The following MUC17 variants were observed in gnomAD, a reference collection of about 807,000 sequenced individuals.
MUC17 encodes the protein mucin 17, cell surface associated.
A neutral mutation model predicts 170.3 loss-of-function variants in MUC17; 190 were observed. The ratio of observed to expected loss-of-function variants is 1.12; its 90% confidence interval spans 0.99 to 1.26. MUC17 has a LOEUF of 1.26. Among genes scored for constraint, MUC17 ranks in the 50% most tolerant of loss-of-function variants. The pLI is 0.00. For synonymous variants in MUC17, 2,325 were observed against 2,002.5 expected (o/e 1.16, Z -4.30); for missense variants, 6,415 against 5,530.0 (o/e 1.16, Z -5.08).
In MUC17 at chr7:101,036,813, A is replaced by G; in HGVS notation, c.5397A>G (p.Pro1799=). ...CAACTGCTGAAGGTACCAGCATACC[A>G]ACCTCGACTCTTAGTGAAGGAATGA... The part of the protein sequence containing the change: ...SPTTAEGTSI[P]TSTLSEGMTP... The change falls in exon 3 of 13, where the codon CCA becomes CCG. Residue 1799 remains proline (P), a synonymous_variant. Transcript: ENST00000306151. 2 of 1,605,630 alleles carry G rather than the reference A, an allele frequency of 1.2e-6. No individual in the cohort carries two copies. The highest frequency in any genetic ancestry group is 1.7e-6 in the Non-Finnish European group (2 of 1,175,656).
At position 101,035,366 on chromosome 7, in the gene MUC17, C is replaced by A; in HGVS notation, c.3950C>A (p.Ser1317Ter). 1.2e-6 allele frequency: 2 copies of A among 1,611,052 alleles called. No homozygotes were observed. Among genetic ancestry groups the A allele is most frequent in the South Asian group, 1.1e-5 (1 of 90,764 alleles). The change falls in exon 3 of 13, where the codon TCA (serine) becomes TAA (stop). Residue 1317 changes from serine to a stop codon, truncating the protein, a stop_gained. Coordinates refer to ENST00000306151, the MANE Select transcript of MUC17 (RefSeq NM_001040105.2). LOFTEE classifies it high-confidence loss of function. Reference protein sequence around the residue: ...GPVVTSNEVSSSPTPAEGTSM... With the variant: ...GPVVTSNEVS ...GTGGTCACTTCTAATGAAGTCAGTT[C>A]ATCTCCTACACCTGCTGAAGGTACC...
intron 1 of MUC17, among the ~76,000 whole-genome samples, chr7:101,030,858 C>A (rs567734461): frequency 8.5e-5 from 13 of 152,220 alleles, no homozygotes; most frequent in Non-Finnish European, 1.5e-4. Context: ...CCCCCAGCCT[C>A]CAAAGTGCTG....
chr7:101,025,553 A>G (rs1338347918), intron 1 of MUC17, among the ~76,000 whole-genome samples: 1 of 152,120 alleles, frequency 6.6e-6, no homozygotes, highest in Non-Finnish European at 1.5e-5. Context: ...GCACTTTGGG[A>G]GGCCAAGGCG....
In MUC17 at chr7:101,029,895, G is replaced by A. The variant is rs570171833; in HGVS notation, c.83-1225G>A. On this transcript the variant is annotated intron_variant, in intron 1 of 12. Transcript: ENST00000306151. ...ATTACAGGCGTGAACCACCGTGCCC[G>A]ACCTCTTTTAGGTTTTTTTTTAGTA... Among the ~76,000 whole-genome samples the A allele has an allele frequency of 5.3e-3, 805 of 152,118 alleles. 5 individuals are homozygous for A. The highest frequency in any genetic ancestry group is 0.017 in the African/African-American group (725 of 41,476).
intron 1 of MUC17, among the ~76,000 whole-genome samples, chr7:101,029,513 T>G (rs1440368448): frequency 6.6e-6 from 1 of 152,230 alleles, no homozygotes; most frequent in Non-Finnish European, 1.5e-5. Flanking sequence ...CTGTTCATAC[T>G]CAGTAATGAT....
intron 1 of MUC17, among the ~76,000 whole-genome samples, chr7:101,023,893 GTT>G (rs749020800): frequency 6.9e-6 from 1 of 145,724 alleles, no homozygotes; most frequent in East Asian, 2.0e-4. Context: ...TCTATTTGCA[GTT>G]TTTTTTTTTG....
chr7:101,029,311 G>A (rs537588823), intron 1 of MUC17, among the ~76,000 whole-genome samples: 9 of 151,202 alleles, frequency 6.0e-5, no homozygotes, highest in Non-Finnish European at 1.0e-4. Context: ...AGCAGAGATC[G>A]CGCCACTGCA....
chr7:101,037,544 C>G lies in MUC17; in HGVS notation c.6128C>G (p.Thr2043Ser). Residue 2043 changes from threonine (T) to serine (S), a missense_variant, in exon 3 of 13, where the codon ACC (threonine) becomes AGC (serine). Thr to Ser is a moderately conservative substitution (Grantham distance 58). Transcript: ENST00000306151. The part of the protein sequence containing the change: ...SIQTSTPSER[T>S]TPLAGMPVST... ...CAAACCTCAACTCCTAGTGAACGGA[C>G]CACTCCATTAGCAGGTATGCCTGTC... 1.9e-6 allele frequency: 3 copies of G among 1,613,616 alleles called. No homozygotes were observed. The highest frequency in any genetic ancestry group is 2.5e-6 in the Non-Finnish European group (3 of 1,179,828).
rs375029857 is a variant in MUC17, at chr7:101,041,793, A to T, written c.10377A>T (p.Pro3459=). Residue 3459 remains proline (P), a synonymous_variant, in exon 3 of 13, where the codon CCA becomes CCT. Transcript: ENST00000306151. ...CAACTACTAGTGAAGGAAGCACTCC[A>T]TTATCAATTATGCCTCTCAGTACCA... ...PTSTTSEGST[P]LSIMPLSTTP... The T allele has an allele frequency of 3.7e-5, 59 of 1,613,570 alleles. 1 individual carries two copies. The highest frequency in any genetic ancestry group is 4.4e-5 in the Non-Finnish European group (52 of 1,179,920).
rs978351770 is a variant in MUC17 at position 101,038,907 on chromosome 7, T to G, written c.7491T>G (p.Pro2497=). The G allele has an allele frequency of 1.9e-6, 3 of 1,614,030 alleles. No individual in the cohort carries two copies. The highest frequency in any genetic ancestry group is 2.5e-6 in the Non-Finnish European group (3 of 1,180,000). The change falls in exon 3 of 13, where the codon CCT becomes CCG. Residue 2497 remains proline, a synonymous_variant. Transcript: ENST00000306151. ...CTTCTACTGAAGCCAGTTCATCTCC[T>G]ACAACTGCTGAAGATATCGTCGTGC... ...MTTSTEASSS[P]TTAEDIVVPI...
Position 101,035,138 on chromosome 7 carries a change from C to T in MUC17, c.3722C>T (p.Thr1241Ile). 1.9e-6 allele frequency: 3 copies of T among 1,610,722 alleles called. No homozygotes were observed. In the South Asian group the frequency reaches 3.3e-5, roughly 18 times the overall value. ...AGTTCTGAGGCTAGCACCCTTTCAA[C>T]ATCTCCCGTTGACACCAGCACACCT... ...VASSEASTLSTSPVDTSTPVT... is the reference protein window; with the variant it reads ...VASSEASTLSISPVDTSTPVT... Residue 1241 changes from threonine to isoleucine, a missense_variant, in exon 3 of 13, where the codon ACA becomes ATA. Thr to Ile is a moderately conservative substitution (Grantham distance 89, BLOSUM62 -1). Transcript: ENST00000306151.
rs754087527 is a variant in MUC17 at position 101,038,936 on chromosome 7, T to C, written c.7520T>C (p.Ile2507Thr). The change falls in exon 3 of 13, where the codon ATC becomes ACC. Residue 2507 changes from isoleucine (I) to threonine (T), a missense_variant. Ile to Thr is a moderately conservative substitution (Grantham distance 89). Coordinates refer to ENST00000306151, the MANE Select transcript of MUC17 (RefSeq NM_001040105.2). Reference protein sequence around the residue: ...PTTAEDIVVPISTASEGSTLL... With the variant: ...PTTAEDIVVPTSTASEGSTLL... ...ACTGCTGAAGATATCGTCGTGCCAA[T>C]CTCAACTGCTAGTGAAGGAAGTACT... 2 of 1,609,064 alleles carry C rather than the reference T, an allele frequency of 1.2e-6. No homozygotes were observed. Among genetic ancestry groups the C allele is most frequent in the South Asian group, 1.1e-5 (1 of 90,858 alleles).
At position 101,038,490 on chromosome 7, in the gene MUC17, T is replaced by A; in HGVS notation, c.7074T>A (p.Leu2358=). The A allele has an allele frequency of 6.2e-7, 1 of 1,604,414 alleles. No individual in the cohort carries two copies. The highest frequency in any genetic ancestry group is 1.1e-5 in the South Asian group (1 of 90,708). Residue 2358 remains leucine, a synonymous_variant, in exon 3 of 13, where the codon CTT becomes CTA. Transcript: ENST00000306151. ...TMVASFETST[L]STTPADTSTP... Reference sequence around the variant, plus strand: ...TGGCCAGTTTTGAAACAAGCACACTTTCTACAACTCCTGCTGACACCAGCA... The same window carrying A: ...TGGCCAGTTTTGAAACAAGCACACTATCTACAACTCCTGCTGACACCAGCA...
In MUC17 at chr7:101,041,655, T is replaced by C; in HGVS notation, c.10239T>C (p.Ser3413=). The C allele has an allele frequency of 1.2e-6, 2 of 1,613,826 alleles. No individual in the cohort carries two copies. Among genetic ancestry groups the C allele is most frequent in the South Asian group, 2.2e-5 (2 of 91,070 alleles). ...SMPVSTTPVV[S]SEVNTLSTTP... Reference sequence around the variant, plus strand: ...CTGTCAGCACCACGCCGGTGGTCAGTTCTGAGGTTAACACCCTTTCAACAA... The same window carrying C: ...CTGTCAGCACCACGCCGGTGGTCAGCTCTGAGGTTAACACCCTTTCAACAA... Residue 3413 remains serine, a synonymous_variant, in exon 3 of 13, where the codon AGT becomes AGC. Transcript: ENST00000306151.
chr7:101,048,044 G>A lies in MUC17; in HGVS notation c.12464G>A (p.Gly4155Glu), dbSNP rs150974700. 1.5e-4 allele frequency: 234 copies of A among 1,608,336 alleles called. No homozygotes were observed. The highest frequency in any genetic ancestry group is 1.9e-4 in the Non-Finnish European group (218 of 1,177,658). ...TGCAAGAATGGAGGCACCTGGGATG[G>A]GCTCAAGTGCCAGTGTCCCAACCTC... The part of the protein sequence containing the change: ...SRCKNGGTWD[G>E]LKCQCPNLYY... The change falls in exon 4 of 13, where the codon GGG (glycine) becomes GAG (glutamate). Residue 4155 changes from glycine to glutamate, a missense_variant. Transcript: ENST00000306151.
In MUC17 at chr7:101,031,985, C is replaced by T. The variant is rs865783682; in HGVS notation, c.569C>T (p.Thr190Ile). 1.9e-6 allele frequency: 3 copies of T among 1,614,208 alleles called. No individual in the cohort carries two copies. The highest frequency in any genetic ancestry group is 2.5e-6 in the Non-Finnish European group (3 of 1,180,052). ...YKVDMSTPLTTSTQASSSPTT... is the reference protein window; with the variant it reads ...YKVDMSTPLTISTQASSSPTT... ...GTTGATATGAGCACACCTCTGACCA[C>T]TTCTACTCAGGCAAGTTCATCTCCT... The change falls in exon 3 of 13, where the codon ACT (threonine) becomes ATT (isoleucine). Residue 190 changes from threonine to isoleucine, a missense_variant. Coordinates refer to ENST00000306151, the MANE Select transcript of MUC17 (RefSeq NM_001040105.2).
chr7:101,029,293 T>C (rs554748665), intron 1 of MUC17, among the ~76,000 whole-genome samples: 1 of 151,442 alleles, frequency 6.6e-6, no homozygotes, highest in Non-Finnish European at 1.5e-5. Context: ...GAGGCAGAGG[T>C]TGCAGTGAGC....
chr7:101,053,378 A>T lies in MUC17; in HGVS notation c.13305A>T (p.Glu4435Asp), dbSNP rs1287043430. ...TGTCTCAGTTATACAAGTGGCAAGA[A>T]GAGGACAGTGGACCAGCTCCTGGGA... is the stretch of plus-strand genomic sequence containing the variant. ...YRLSQLYKWQ[E>D]EDSGPAPGTF... The change falls in exon 11 of 13, where the codon GAA becomes GAT. Residue 4435 changes from glutamate to aspartate, a missense_variant. Transcript: ENST00000306151. 1 of 1,614,162 alleles carries T rather than the reference A, an allele frequency of 6.2e-7. No individual in the cohort carries two copies. The highest frequency in any genetic ancestry group is 2.2e-5 in the East Asian group (1 of 44,888).
Position 101,034,716 on chromosome 7 carries a change from C to A in MUC17, c.3300C>A (p.Ser1100Arg), listed in dbSNP as rs200569400. The change falls in exon 3 of 13, where the codon AGC (serine) becomes AGA (arginine). Residue 1100 changes from serine (S) to arginine (R), a missense_variant. Coordinates refer to ENST00000306151, the MANE Select transcript of MUC17 (RefSeq NM_001040105.2). ...CAACCTCAACTTATAGTGAAGGAAG[C>A]ACTCCACTAACAAGTGTGCCTGTCA... ...SMPTSTYSEG[S>R]TPLTSVPVST... The A allele has an allele frequency of 5.5e-5, 89 of 1,606,490 alleles. 1 individual carries two copies. The Middle Eastern group carries it at 1.5e-3, about 27-fold the overall frequency.
Sources: allele counts gnomAD v4.1 joint callset (sites outside exome capture counted in the v4.1 genomes callset), GRCh38; gene constraint gnomAD v4.1.1; transcripts MANE v1.5; gene names NCBI Gene and HGNC (gene_info 2026-07-23, HGNC 2026-07-21).